MAGI1: variants seen among roughly 807,000 people sequenced by gnomAD.
MAGI1 encodes membrane associated guanylate kinase, WW and PDZ domain containing 1.
MAGI1 carries 58 observed loss-of-function variants against 139.9 expected under a neutral mutation model. That is an observed-to-expected ratio of 0.41 (90% CI 0.34 to 0.52). MAGI1 has a LOEUF of 0.52. MAGI1 is among the 20% of genes least tolerant of loss of function. The pLI, the probability that MAGI1 is intolerant of heterozygous loss-of-function variation, is 0.12. For missense variants in MAGI1, 1,874 were observed against 1,901.6 expected, an observed-to-expected ratio of 0.99 and a Z score of 0.27; for synonymous variants, 812 against 737.9, an observed-to-expected ratio of 1.10 and a Z score of -1.63.
chr3:65,508,569 T>C (rs1435635295), intron 2 of MAGI1, among the ~76,000 whole-genome samples: 1 of 152,160 alleles, frequency 6.6e-6, no homozygotes, highest in Non-Finnish European at 1.5e-5. Context: ...GGTGAGTGCT[T>C]TGCCTTCTAA....
intron 3 of MAGI1, among the ~76,000 whole-genome samples, chr3:65,486,369 T>C (rs990885745): frequency 6.6e-6 from 1 of 152,178 alleles, no homozygotes; most frequent in Non-Finnish European, 1.5e-5. Context: ...AACAGCCATG[T>C]CTGGATCCCC....
intron 1 of MAGI1, among the ~76,000 whole-genome samples, chr3:65,782,821 G>C (rs1216814525): frequency 6.6e-6 from 1 of 151,242 alleles, no homozygotes; most frequent in Non-Finnish European, 1.5e-5. Flanking sequence ...CAACCTTTGA[G>C]CCAGACACTA....
At chr3:65,438,658 C>T (rs1948022139) in intron 9 of MAGI1, among the ~76,000 whole-genome samples, 1 of 152,180 alleles carries the variant, frequency 6.6e-6, no homozygotes, top group Non-Finnish European at 1.5e-5. Flanking sequence ...GGCCCACTAG[C>T]CAAACTGGGG....
At chr3:65,811,961 A>T (rs113453384) in intron 1 of MAGI1, among the ~76,000 whole-genome samples, 5 of 148,964 alleles carry the variant, frequency 3.4e-5, no homozygotes, top group African/African-American at 7.5e-5. Context: ...TGTGTGTGTG[A>T]GAGAGAGAGC....
At chr3:65,670,802 C>A (rs1010941686) in intron 1 of MAGI1, among the ~76,000 whole-genome samples, 15 of 152,118 alleles carry the variant, frequency 9.9e-5, no homozygotes, top group African/African-American at 3.6e-4. Context: ...ATCACTCTTA[C>A]TAGATATAAA....
intron 1 of MAGI1, among the ~76,000 whole-genome samples, chr3:65,626,041 A>C (rs368928359): frequency 6.6e-6 from 1 of 152,332 alleles, no homozygotes; most frequent in East Asian, 1.9e-4. Context: ...TGAGTAAAAA[A>C]ATAATGTTTA....
intron 14 of MAGI1, among the ~76,000 whole-genome samples, chr3:65,386,781 G>A (rs911986056): frequency 8.5e-5 from 13 of 152,160 alleles, no homozygotes; most frequent in Non-Finnish European, 2.9e-5. Flanking sequence ...CCCTGCATAT[G>A]AACAGTTTCT....
intron 1 of MAGI1, among the ~76,000 whole-genome samples, chr3:65,715,470 G>A (rs1377360759): frequency 6.6e-6 from 1 of 152,150 alleles, no homozygotes; most frequent in African/African-American, 2.4e-5. Flanking sequence ...ACTGCTGGGA[G>A]TTTGGAAATT....
chr3:65,691,498 T>C (rs1279200403), intron 1 of MAGI1, among the ~76,000 whole-genome samples: 1 of 152,086 alleles, frequency 6.6e-6, no homozygotes, highest in Non-Finnish European at 1.5e-5. Context: ...TCTGTTTTCC[T>C]TCTTTGACCA....
chr3:65,896,184 A>C (rs1463287795), intron 1 of MAGI1, among the ~76,000 whole-genome samples: 1 of 152,174 alleles, frequency 6.6e-6, no homozygotes, highest in Non-Finnish European at 1.5e-5. Context: ...CTTTAAATTC[A>C]GGCATAAGTA....
intron 11 of MAGI1, among the ~76,000 whole-genome samples, chr3:65,430,417 C>T (rs957108853): frequency 1.3e-5 from 2 of 152,052 alleles, no homozygotes; most frequent in Non-Finnish European, 2.9e-5. Context: ...GTTTAGAATT[C>T]ATTTATTTAA....
chr3:65,427,340 G>T lies in MAGI1; in HGVS notation c.2167+2180C>A, dbSNP rs1947126224. On this transcript the variant is annotated intron_variant, in intron 12 of 22. Coordinates refer to ENST00000402939, the MANE Select transcript of MAGI1 (RefSeq NM_001033057.2). ...AATAAAAATAAAAAATAAAATCAAGGAGTACGTTTCTATAATCAGTTGTTT... is the reference window on the plus strand; with the variant it reads ...AATAAAAATAAAAAATAAAATCAAGTAGTACGTTTCTATAATCAGTTGTTT... Among the ~76,000 whole-genome samples, 3 of 152,114 alleles carry T rather than the reference G, an allele frequency of 2.0e-5. No individual in the cohort carries two copies. The South Asian group carries it at 6.2e-4, about 32-fold the overall frequency.
chr3:65,815,877 G>T (rs2041569807), intron 1 of MAGI1, among the ~76,000 whole-genome samples: 1 of 152,134 alleles, frequency 6.6e-6, no homozygotes. Flanking sequence ...TACTCAGCTA[G>T]TAAGAGGCAG....
At chr3:65,712,042 T>C (rs1389428854) in intron 1 of MAGI1, among the ~76,000 whole-genome samples, 2 of 152,150 alleles carry the variant, frequency 1.3e-5, no homozygotes, top group Non-Finnish European at 2.9e-5. Flanking sequence ...GAGAGGGTGT[T>C]TCTCCAAAGT....
chr3:65,399,996 T>C (rs531599623), intron 13 of MAGI1, among the ~76,000 whole-genome samples: 1 of 152,298 alleles, frequency 6.6e-6, no homozygotes, highest in Admixed American at 6.5e-5. Context: ...TGTATCAACA[T>C]AGCATGGCTG....
intron 12 of MAGI1, among the ~76,000 whole-genome samples, chr3:65,426,960 A>G (rs530088565): frequency 1.3e-4 from 20 of 152,214 alleles, no homozygotes; most frequent in Non-Finnish European, 2.2e-4. Context: ...ATAAAATGTA[A>G]CACCATTAAT....
chr3:65,579,386 G>A (rs1156252125), intron 2 of MAGI1, among the ~76,000 whole-genome samples: 1 of 152,056 alleles, frequency 6.6e-6, no homozygotes, highest in Admixed American at 6.6e-5. Context: ...TCCTTTCTGT[G>A]GTTAAGTGAA....
chr3:65,668,011 T>C (rs1184606184), intron 1 of MAGI1, among the ~76,000 whole-genome samples: 1 of 152,220 alleles, frequency 6.6e-6, no homozygotes, highest in East Asian at 1.9e-4. Context: ...CGTAAATTAG[T>C]AACATCAGGT....
At chr3:65,507,570 A>C (rs189233496) in intron 2 of MAGI1, among the ~76,000 whole-genome samples, 1 of 152,208 alleles carries the variant, frequency 6.6e-6, no homozygotes, top group African/African-American at 2.4e-5. Flanking sequence ...CTAGAAAACT[A>C]AACTACAGCT....
Sources: allele counts gnomAD v4.1 joint callset (sites outside exome capture counted in the v4.1 genomes callset), GRCh38; gene constraint gnomAD v4.1.1; transcripts MANE v1.5; gene names NCBI Gene and HGNC (gene_info 2026-07-23, HGNC 2026-07-21).